Variants in DAPK2 observed in about 807,000 individuals in gnomAD.
The protein encoded by DAPK2 is death-associated protein kinase 2.
In DAPK2, 35 loss-of-function variants were observed where a neutral mutation model predicts 44.1. The observed-to-expected ratio is 0.79, with a 90% CI of 0.61 to 1.05. The LOEUF is 1.05. DAPK2 is among the 50% of genes least tolerant of loss of function. The pLI, the probability that DAPK2 is intolerant of heterozygous loss-of-function variation, is 0.00. For synonymous variants in DAPK2, 174 were observed against 182.6 expected (o/e 0.95, Z 0.38); for missense variants, 453 against 483.2 (o/e 0.94, Z 0.59).
chr15:63,944,143 C>G (rs1390728266), intron 3 of DAPK2, among the ~76,000 whole-genome samples: 1 of 152,144 alleles, frequency 6.6e-6, no homozygotes, highest in Non-Finnish European at 1.5e-5. Context: ...AACACCCAAG[C>G]TGGGTCTGGA....
In DAPK2 at chr15:64,020,204, G is replaced by C. The variant is rs1183262751; in HGVS notation, c.92+19966C>G. ...ACTTATATGCTAGAGATGGGGGAAA[G>C]GAAACTGAGGACTTGCCTAAGCACA... On this transcript the variant is annotated intron_variant, in intron 1 of 10. Coordinates refer to ENST00000261891, the Ensembl canonical transcript of DAPK2. This position sits in a 1 kb window ranked among gnomAD's most constrained non-coding sequence, Gnocchi z 4.5. Among the ~76,000 whole-genome samples the C allele has an allele frequency of 6.6e-6, 1 of 152,168 alleles. No homozygotes were observed. The highest frequency in any genetic ancestry group is 2.4e-5 in the African/African-American group (1 of 41,436).
chr15:63,947,773 A>G (rs1303309771), intron 3 of DAPK2, among the ~76,000 whole-genome samples: 2 of 152,126 alleles, frequency 1.3e-5, no homozygotes, highest in Non-Finnish European at 2.9e-5. Flanking sequence ...TCATCTGCCT[A>G]TTGAACTCCT....
chr15:64,033,087 AAAAT>A (rs1391279120), intron 1 of DAPK2, among the ~76,000 whole-genome samples: 1 of 151,830 alleles, frequency 6.6e-6, no homozygotes, highest in Admixed American at 6.6e-5. Flanking sequence ...CTCCATCTCA[AAAAT>A]AAATAAGTAA....
chr15:64,003,987 C>T (rs955878547), intron 1 of DAPK2, among the ~76,000 whole-genome samples: 10 of 152,150 alleles, frequency 6.6e-5, no homozygotes, highest in Admixed American at 6.5e-4. Flanking sequence ...TGTGCCTTAA[C>T]TTTTTTTTAC....
At chr15:64,033,646 C>T (rs901795720) in intron 1 of DAPK2, among the ~76,000 whole-genome samples, 9 of 152,090 alleles carry the variant, frequency 5.9e-5, no homozygotes, top group South Asian at 2.1e-4. Context: ...CAGTGGCTCA[C>T]GCCTGTAATC....
At chr15:63,914,573 C>G (rs760425390) in intron 8 of DAPK2, among the ~76,000 whole-genome samples, 9 of 152,130 alleles carry the variant, frequency 5.9e-5, no homozygotes, top group Non-Finnish European at 7.4e-5. Flanking sequence ...GAAGACCTTG[C>G]CTTTTCCCTT....
In DAPK2 at chr15:64,040,252, C is replaced by A. The variant is rs1221746789; in HGVS notation, c.10G>T (p.Ala4Ser). Residue 4 changes from alanine (A) to serine (S), a missense_variant, in exon 1 of 11, where the codon GCC (alanine) becomes TCC (serine). Ala to Ser is a moderately conservative substitution (Grantham distance 99). Coordinates refer to ENST00000261891, the Ensembl canonical transcript of DAPK2. ...TCCATGTTTGGACTCCTCATTGAGG[C>A]CTGGAACATACAATCCTGAAATGGG... 3.1e-6 allele frequency: 5 copies of A among 1,613,882 alleles called. No homozygotes were observed. The South Asian group carries it at 5.5e-5, about 18-fold the overall frequency.
Position 63,912,949 on chromosome 15 carries a change from A to C in DAPK2, c.859-752T>G, listed in dbSNP as rs958000843. Among the ~76,000 whole-genome samples the C allele has an allele frequency of 1.3e-5, 2 of 152,192 alleles. No homozygotes were observed. The highest frequency in any genetic ancestry group is 3.8e-4 in the East Asian group (2 of 5,202). ...AAATAAGGTTTTGTGAAATCAAGAG[A>C]TAGGTTTCAGGGGTTCTGTGAACAA... is the stretch of plus-strand genomic sequence containing the variant. On this transcript the variant is annotated intron_variant, in intron 8 of 10. Transcript: ENST00000261891. The surrounding 1 kb of genome is among the most constrained non-coding windows in gnomAD (Gnocchi z 4.4).
chr15:63,989,855 C>T (rs906715234), intron 1 of DAPK2, among the ~76,000 whole-genome samples: 3 of 152,048 alleles, frequency 2.0e-5, no homozygotes, highest in Non-Finnish European at 4.4e-5. Flanking sequence ...TTATACCTGG[C>T]TAATTTTTGT....
chr15:63,978,340 T>G (rs1158552969), intron 2 of DAPK2, among the ~76,000 whole-genome samples: 1 of 152,162 alleles, frequency 6.6e-6, no homozygotes, highest in Non-Finnish European at 1.5e-5. Flanking sequence ...ATAATAACCC[T>G]GCAATTCCTA....
At chr15:63,968,343 T>C (rs2078113939) in intron 3 of DAPK2, among the ~76,000 whole-genome samples, 1 of 152,226 alleles carries the variant, frequency 6.6e-6, no homozygotes, top group African/African-American at 2.4e-5. Context: ...TACCTGGCCA[T>C]GGTGGGGACT....
chr15:63,986,741 G>A (rs536421082), intron 1 of DAPK2, among the ~76,000 whole-genome samples: 1 of 152,298 alleles, frequency 6.6e-6, no homozygotes, highest in African/African-American at 2.4e-5. Context: ...ATTGCCTGGG[G>A]AATTTTAAAA....
chr15:63,941,287 C>T (rs755083335), intron 3 of DAPK2, among the ~76,000 whole-genome samples: 2 of 152,156 alleles, frequency 1.3e-5, no homozygotes, highest in Non-Finnish European at 2.9e-5. Flanking sequence ...CAGGAGTGAG[C>T]CCCACCCCGC....
intron 1 of DAPK2, among the ~76,000 whole-genome samples, chr15:64,029,267 G>C (rs1456829633): frequency 1.3e-5 from 2 of 152,166 alleles, no homozygotes; most frequent in Admixed American, 6.5e-5. Context: ...CTTTGTCTGA[G>C]TGGCTTTGTG....
At chr15:63,935,339 C>T (rs1370585630) in intron 4 of DAPK2, among the ~76,000 whole-genome samples, 1 of 152,156 alleles carries the variant, frequency 6.6e-6, no homozygotes, top group Non-Finnish European at 1.5e-5. Flanking sequence ...GATCCACCCA[C>T]CTCGGCCTCC....
In DAPK2 at chr15:64,020,117, C is replaced by T. The variant is rs2141074582; in HGVS notation, c.92+20053G>A. Among the ~76,000 whole-genome samples, 1 of 152,282 alleles carries T rather than the reference C, an allele frequency of 6.6e-6. No individual in the cohort carries two copies. The highest frequency in any genetic ancestry group is 2.1e-4 in the South Asian group (1 of 4,824). On this transcript the variant is annotated intron_variant, in intron 1 of 10. Coordinates refer to ENST00000261891, the Ensembl canonical transcript of DAPK2. The surrounding 1 kb of genome is among the most constrained non-coding windows in gnomAD (Gnocchi z 4.5). ...TCCTGCCCCAGCTGAGTAGACAGCC[C>T]ATGGCCCAGTAAGAACACTTCACAT...
chr15:64,033,287 G>GGGAAGGCAGGAA (rs2080077787), intron 1 of DAPK2, among the ~76,000 whole-genome samples: 1 of 51,176 alleles, frequency 2.0e-5, no homozygotes. Flanking sequence ...AGGGGGAAGG[G>GGGAAGGCAGGAA]GGAAGGAAGG....
At position 63,966,536 on chromosome 15, in the gene DAPK2, G is replaced by A. The variant is rs535374251; in HGVS notation, c.453+4887C>T. 4.2e-4 allele frequency among the ~76,000 whole-genome samples: 64 copies of A among 152,296 alleles called. No individual in the cohort carries two copies. Among genetic ancestry groups the A allele is most frequent in the South Asian group, 6.2e-4 (3 of 4,830 alleles). On this transcript the variant is annotated intron_variant, in intron 3 of 10. Transcript: ENST00000261891. This position sits in a 1 kb window ranked among gnomAD's most constrained non-coding sequence, Gnocchi z 5.5. ...TGCAGTCCTTGTGGCCTAGACTTCC[G>A]TTCAAGTTTACTTAGAAACCCAGAG...
intron 3 of DAPK2, among the ~76,000 whole-genome samples, chr15:63,952,366 C>T (rs1318521017): frequency 6.6e-6 from 1 of 152,118 alleles, no homozygotes; most frequent in Non-Finnish European, 1.5e-5. Context: ...TTCTGTTGGG[C>T]CTTGAGTGAT....
Sources: gnomAD v4.1 joint callset for allele counts (sites outside exome capture counted in the v4.1 genomes callset) on GRCh38, gnomAD v4.1.1 for gene constraint, Gnocchi (gnomAD v3.1) non-coding constraint, MANE v1.5 for transcripts, NCBI Gene and HGNC (gene_info 2026-07-23, HGNC 2026-07-21) for gene names.